ADAM8: variants seen among roughly 807,000 people sequenced by gnomAD.
ADAM8 encodes disintegrin and metalloproteinase domain-containing protein 8.
ADAM8 carries 104 observed loss-of-function variants against 102.4 expected under a neutral mutation model. That is an observed-to-expected ratio of 1.02 (90% CI 0.87 to 1.20). The LOEUF (loss-of-function observed/expected upper bound fraction) is 1.20, where lower values mean the gene tolerates loss of function less well. Ranked by LOEUF, ADAM8 falls within the 50% of genes most tolerant of loss-of-function variation. The pLI, the probability that ADAM8 is intolerant of heterozygous loss-of-function variation, is 0.00. For missense variants in ADAM8, 1,132 were observed against 1,159.0 expected (o/e 0.98, Z 0.34); for synonymous variants, 517 against 485.2 (o/e 1.07, Z -0.86).
chr10:133,272,324 T>TACCC, intron 9 of ADAM8, 50 bp from the exon 10 acceptor site: 2 of 1,430,752 alleles, frequency 1.4e-6, no homozygotes, highest in Non-Finnish European at 1.9e-6. Context: ...CCTCCCCACT[T>TACCC]CCCTCCCACC....
chr10:133,269,111 C>T (rs1846430997), intron 18 of ADAM8: 1 of 985,322 alleles, frequency 1.0e-6, no homozygotes, highest in Non-Finnish European at 1.2e-6. Context: ...TCTGGACGAC[C>T]ACATGCTCAG....
rs192070313 is a variant in ADAM8, at chr10:133,272,028, C to T, written c.958-74G>A. 294 of 1,583,470 alleles carry T rather than the reference C, an allele frequency of 1.9e-4. No individual in the cohort carries two copies. In the African/African-American group the frequency reaches 3.6e-3, roughly 19 times the overall value. On this transcript the variant is annotated intron_variant, in intron 10 of 22. Coordinates refer to ENST00000445355, the MANE Select transcript of ADAM8 (RefSeq NM_001109.5). ...CCTGCCACCCTCACCCCACCAGGGC[C>T]CAGGACTTGGCACAGCTTCCCGCCA... is the stretch of plus-strand genomic sequence containing the variant.
At position 133,270,777 on chromosome 10, in the gene ADAM8, G is replaced by C; in HGVS notation, c.1593C>G (p.Phe531Leu). ...TGCAGCCTGGTAGGATGTCATAGGA[G>C]AAGCAGGACTCCTCGGCAGCCTGCC... ...PGGQAAEESC[F>L]SYDILPGCKA... Residue 531 changes from phenylalanine to leucine, a missense_variant, in exon 15 of 23, where the codon TTC (phenylalanine) becomes TTG (leucine). Coordinates refer to ENST00000445355, the MANE Select transcript of ADAM8 (RefSeq NM_001109.5). 1 of 1,607,840 alleles carries C rather than the reference G, an allele frequency of 6.2e-7. No individual in the cohort carries two copies. Among genetic ancestry groups the C allele is most frequent in the Non-Finnish European group, 8.5e-7 (1 of 1,177,014 alleles).
At position 133,273,373 on chromosome 10, in the gene ADAM8, G is replaced by C. The variant is rs1329198505; in HGVS notation, c.454C>G (p.His152Asp). 1 of 1,554,428 alleles carries C rather than the reference G, an allele frequency of 6.4e-7. No individual in the cohort carries two copies. Residue 152 changes from histidine (H) to aspartate (D), a missense_variant, in exon 6 of 23, where the codon CAC becomes GAC. Transcript: ENST00000445355. ...AGGTGCTCAGCCTGGTACACGGCGT[G>C]CCGTCCGCCCTCGCCACCTTCATCC... is the stretch of plus-strand genomic sequence containing the variant. ...PLDEGGEGGR[H>D]AVYQAEHLLQ...
At chr10:133,266,062 G>A (rs1185559506) in intron 21 of ADAM8, among the ~76,000 whole-genome samples, 4 of 152,178 alleles carry the variant, frequency 2.6e-5, no homozygotes, top group South Asian at 4.2e-4. Flanking sequence ...GCTGTGCCTG[G>A]GGAAGGGTGT....
chr10:133,263,117 G>C lies in ADAM8; in HGVS notation c.*39C>G, dbSNP rs546715431. ...TGCTGGAACGCATGGCTTCTCTGCCGCAACTTCTCCAAATTTCCACACAGG... is the reference window on the plus strand; with the variant it reads ...TGCTGGAACGCATGGCTTCTCTGCCCCAACTTCTCCAAATTTCCACACAGG... On this transcript the variant is annotated 3_prime_UTR_variant, in exon 23 of 23. Transcript: ENST00000445355. The C allele has an allele frequency of 1.2e-6, 2 of 1,610,152 alleles. No homozygotes were observed. Among genetic ancestry groups the C allele is most frequent in the Non-Finnish European group, 1.7e-6 (2 of 1,176,454 alleles).
chr10:133,276,808 G>T lies in ADAM8; in HGVS notation c.10C>A (p.Leu4Ile). 1 of 1,528,598 alleles carries T rather than the reference G, an allele frequency of 6.5e-7. No homozygotes were observed. The highest frequency in any genetic ancestry group is 8.8e-7 in the Non-Finnish European group (1 of 1,140,840). 94.7% of individuals were successfully genotyped at this position (1,528,598 alleles called of 1,614,324 possible). Residue 4 changes from leucine to isoleucine, a missense_variant, in exon 1 of 23, where the codon CTC (leucine) becomes ATC (isoleucine). Transcript: ENST00000445355. ...ATCGCGCCCAGCAGCCAGAGCCCGAGGCCGCGCATGGCCGGGTCGGGGAGC... is the reference window on the plus strand; with the variant it reads ...ATCGCGCCCAGCAGCCAGAGCCCGATGCCGCGCATGGCCGGGTCGGGGAGC... MRGLGLWLLGAMML... is the reference protein window; with the variant it reads MRGIGLWLLGAMML...
intron 21 of ADAM8, among the ~76,000 whole-genome samples, chr10:133,266,506 C>T (rs1418268760): frequency 6.6e-6 from 1 of 152,208 alleles, no homozygotes. Flanking sequence ...GACCACGAAC[C>T]TCTGTGGAGG....
chr10:133,269,540 G>A lies in ADAM8; in HGVS notation c.1864-11C>T, dbSNP rs559360388. 76 of 1,588,032 alleles carry A rather than the reference G, an allele frequency of 4.8e-5. No homozygotes were observed. The South Asian group carries it at 5.0e-4, about 10-fold the overall frequency. On this transcript the variant is annotated splice_polypyrimidine_tract_variant and intron_variant, in intron 17 of 22. Coordinates refer to ENST00000445355, the MANE Select transcript of ADAM8 (RefSeq NM_001109.5). ...CTTGTGGTTGCACACCTGCGGGGAC[G>A]GCTGGGCTCAGGGCCAACCCTGTTG...
chr10:133,270,515 G>T lies in ADAM8; in HGVS notation c.1635-5C>A, dbSNP rs1431565572. 1 of 1,583,132 alleles carries T rather than the reference G, an allele frequency of 6.3e-7. No homozygotes were observed. Among genetic ancestry groups the T allele is most frequent in the Non-Finnish European group, 8.6e-7 (1 of 1,157,370 alleles). On this transcript the variant is annotated splice_region_variant and splice_polypyrimidine_tract_variant and intron_variant, in intron 15 of 22. Coordinates refer to ENST00000445355, the MANE Select transcript of ADAM8 (RefSeq NM_001109.5). ...AGAACGCCACACATGTCAGCCCTGT[G>T]GATGGACGGCAGGTCGTGGGCCAGC... is the stretch of plus-strand genomic sequence containing the variant.
Position 133,263,240 on chromosome 10 carries a change from G to A in ADAM8, c.2398-7C>T, listed in dbSNP as rs778457604. The A allele has an allele frequency of 3.3e-5, 52 of 1,595,464 alleles. No individual in the cohort carries two copies. The highest frequency in any genetic ancestry group is 3.8e-5 in the Non-Finnish European group (45 of 1,170,234). On this transcript the variant is annotated splice_region_variant and splice_polypyrimidine_tract_variant and intron_variant, in intron 22 of 22. Transcript: ENST00000445355. ...CCTTTGGGCCAACAGCACCCTGGGAGGAGGAAAAGATAATTGATGTTGAAA... is the reference window on the plus strand; with the variant it reads ...CCTTTGGGCCAACAGCACCCTGGGAAGAGGAAAAGATAATTGATGTTGAAA...
At chr10:133,265,627 T>A (rs955954734) in intron 21 of ADAM8, among the ~76,000 whole-genome samples, 1 of 151,194 alleles carries the variant, frequency 6.6e-6, no homozygotes, top group Non-Finnish European at 1.5e-5. Flanking sequence ...CCGTCTCTAC[T>A]GAAAAAAAAA....
At chr10:133,264,667 G>A (rs1479264609) in intron 21 of ADAM8, among the ~76,000 whole-genome samples, 3 of 151,510 alleles carry the variant, frequency 2.0e-5, no homozygotes, top group African/African-American at 7.3e-5. Context: ...CTACTGCCAC[G>A]CCTGTTCCTG....
rs1846210719 is a variant in ADAM8, at chr10:133,263,104, T to C, written c.*52A>G. 1 of 1,601,658 alleles carries C rather than the reference T, an allele frequency of 6.2e-7. No homozygotes were observed. The highest frequency in any genetic ancestry group is 1.3e-5 in the African/African-American group (1 of 74,638). ...CTGGACCGTGGAATGCTGGAACGCA[T>C]GGCTTCTCTGCCGCAACTTCTCCAA... On this transcript the variant is annotated 3_prime_UTR_variant, in exon 23 of 23. Coordinates refer to ENST00000445355, the MANE Select transcript of ADAM8 (RefSeq NM_001109.5).
rs764019694 is a variant in ADAM8, at chr10:133,271,317, G to A, written c.1285-28C>T. On this transcript the variant is annotated intron_variant, in intron 12 of 22. Transcript: ENST00000445355. Reference sequence around the variant, plus strand: ...GGGGCGACGGCAAAGGCCTTGGCAGGCTGCACTGGGGCCGGGCTGGGCTCC... The same window carrying A: ...GGGGCGACGGCAAAGGCCTTGGCAGACTGCACTGGGGCCGGGCTGGGCTCC... The A allele has an allele frequency of 3.1e-6, 5 of 1,600,228 alleles. No homozygotes were observed. In the Admixed American group the frequency reaches 8.5e-5, roughly 27 times the overall value.
At chr10:133,271,339 C>T (rs1055504717) in intron 12 of ADAM8, 50 bp from the exon 13 acceptor site, 1 of 1,576,738 alleles carries the variant, frequency 6.3e-7, no homozygotes. Context: ...CCGGGCTGGG[C>T]TCCAGGGCGG....
chr10:133,273,653 C>G (rs1846632856), intron 5 of ADAM8, 109 bp downstream of exon 5: 6 of 1,368,484 alleles, frequency 4.4e-6, no homozygotes, highest in Non-Finnish European at 6.0e-6. Context: ...CAGCAAAGGC[C>G]TGAGTGGGAG....
intron 21 of ADAM8, among the ~76,000 whole-genome samples, chr10:133,265,573 C>T (rs890698173): frequency 6.6e-6 from 1 of 151,946 alleles, no homozygotes; most frequent in Non-Finnish European, 1.5e-5. Flanking sequence ...AGGCAGATTA[C>T]GAGGTCAAGA....
rs1846495418 is a variant in ADAM8, at chr10:133,270,801, C to G, written c.1569G>C (p.Gly523=). The G allele has an allele frequency of 6.2e-7, 1 of 1,606,308 alleles. No individual in the cohort carries two copies. The highest frequency in any genetic ancestry group is 1.3e-5 in the African/African-American group (1 of 74,654). Reference sequence around the variant, plus strand: ...AGAAGCAGGACTCCTCGGCAGCCTGCCCACCTGTGGGACCAGAAGCGGGTT... The same window carrying G: ...AGAAGCAGGACTCCTCGGCAGCCTGGCCACCTGTGGGACCAGAAGCGGGTT... The part of the protein sequence containing the change: ...QQCQAFWGPG[G]QAAEESCFSY... The change falls in exon 15 of 23, where the codon GGG becomes GGC. Residue 523 remains glycine (G), a synonymous_variant. Coordinates refer to ENST00000445355, the MANE Select transcript of ADAM8 (RefSeq NM_001109.5).
Sources: gnomAD v4.1 joint callset for allele counts (sites outside exome capture counted in the v4.1 genomes callset) on GRCh38, gnomAD v4.1.1 for gene constraint, MANE v1.5 for transcripts, NCBI Gene and HGNC (gene_info 2026-07-23, HGNC 2026-07-21) for gene names.